The following NAV2 variants were observed in gnomAD, a reference collection of about 807,000 sequenced individuals.
NAV2 encodes neuron navigator 2, also known as helicase, APC down-regulated 1.
Under a neutral mutation model 223.2 loss-of-function variants are expected in NAV2, and 54 were observed. That is an observed-to-expected ratio of 0.24 (90% CI 0.19 to 0.30). The LOEUF is 0.30. NAV2 is among the 10% of genes least tolerant of loss of function. The probability of loss-of-function intolerance (pLI) is 1.00; values close to 1 mark genes in which losing one functional copy is unlikely to be tolerated. For synonymous variants in NAV2, 1,279 were observed against 1,239.3 expected, an observed-to-expected ratio of 1.03 and a Z score of -0.67; for missense variants, 2,806 against 3,147.5, an observed-to-expected ratio of 0.89 and a Z score of 2.60.
rs201025387 is a variant in NAV2, at chr11:19,892,579, A to G, written c.916A>G (p.Ser306Gly). ...KPVTSPPPPPSSHEKEPLASS... is the reference protein window; with the variant it reads ...KPVTSPPPPPGSHEKEPLASS... ...AGTCACCTCCCCACCCCCACCGCCA[A>G]GCAGCCACGAGAAAGGTGAGTCACC... The change falls in exon 6 of 38, where the codon AGC becomes GGC. Residue 306 changes from serine to glycine, a missense_variant. Around this residue, in one of 4 missense-constraint regions of NAV2, gnomAD observed 1,167 missense variants for 1,180.5 expected, o/e 0.99. Transcript: ENST00000349880. 2.5e-6 allele frequency: 4 copies of G among 1,613,834 alleles called. No individual in the cohort carries two copies. The Admixed American group carries it at 6.7e-5, about 27-fold the overall frequency.
intron 1 of NAV2, among the ~76,000 whole-genome samples, chr11:19,637,201 G>C (rs1244543238): frequency 6.6e-6 from 1 of 152,168 alleles, no homozygotes; most frequent in East Asian, 1.9e-4. Context: ...GGAAAACGTA[G>C]GTAGTGGCTA....
intron 1 of NAV2, among the ~76,000 whole-genome samples, chr11:19,723,903 G>T (rs185780733): frequency 2.0e-5 from 3 of 152,322 alleles, no homozygotes; most frequent in Admixed American, 1.3e-4. Context: ...TTCAAAATGT[G>T]TGGGCCACAA....
intron 1 of NAV2, among the ~76,000 whole-genome samples, chr11:19,766,022 C>T (rs2055197206): frequency 6.6e-6 from 1 of 152,082 alleles, no homozygotes; most frequent in Admixed American, 6.6e-5. Context: ...ACTCTCCCTC[C>T]CTATCACCCA....
intron 1 of NAV2, among the ~76,000 whole-genome samples, chr11:19,405,223 T>C (rs920100376): frequency 7.2e-5 from 11 of 152,274 alleles, no homozygotes; most frequent in Middle Eastern, 6.8e-3. Flanking sequence ...GTGAGTGGGC[T>C]CTCTTCATGG....
Position 19,372,714 on chromosome 11 carries a change from G to A in NAV2, c.75+21687G>A, listed in dbSNP as rs528620011. Among the ~76,000 whole-genome samples, 12 of 152,304 alleles carry A rather than the reference G, an allele frequency of 7.9e-5. No individual in the cohort carries two copies. The South Asian group carries it at 2.3e-3, about 29-fold the overall frequency. On this transcript the variant is annotated intron_variant, in intron 1 of 37. Coordinates refer to the NAV2 transcript ENST00000360655. ...TTATTTCTATGTGACTGTGGAAAGA[G>A]CGGGCCTGAGAGATATTAGTAATAA...
At chr11:19,823,592 C>T (rs967840343) in intron 1 of NAV2, among the ~76,000 whole-genome samples, 1 of 152,158 alleles carries the variant, frequency 6.6e-6, no homozygotes, top group Non-Finnish European at 1.5e-5. Flanking sequence ...CTGACTGCTT[C>T]AGCCTCCCAA....
chr11:19,702,297 C>G (rs1218035334), intron 1 of NAV2, among the ~76,000 whole-genome samples: 3 of 152,206 alleles, frequency 2.0e-5, no homozygotes, highest in Non-Finnish European at 4.4e-5. Context: ...CTTTGTTATA[C>G]AGATAACCTC....
intron 1 of NAV2, among the ~76,000 whole-genome samples, chr11:19,620,254 G>T (rs956286528): frequency 1.3e-5 from 2 of 152,052 alleles, no homozygotes; most frequent in African/African-American, 2.4e-5. Context: ...CTCTTTTTTG[G>T]TTCCATATGA....
At chr11:19,786,747 T>C (rs1292128079) in intron 1 of NAV2, among the ~76,000 whole-genome samples, 1 of 152,166 alleles carries the variant, frequency 6.6e-6, no homozygotes, top group Admixed American at 6.5e-5. Context: ...CTTCCCTACA[T>C]AGCTCCCTAC....
intron 1 of NAV2, among the ~76,000 whole-genome samples, chr11:19,656,493 G>C (rs1343673746): frequency 2.0e-5 from 3 of 152,208 alleles, no homozygotes; most frequent in Non-Finnish European, 4.4e-5. Context: ...ACTGGGGAAG[G>C]AGCACAGAGC....
intron 1 of NAV2, among the ~76,000 whole-genome samples, chr11:19,651,632 C>T (rs1476479443): frequency 6.6e-6 from 1 of 152,110 alleles, no homozygotes. Context: ...CACATGACAC[C>T]CACTTTGAAA....
chr11:19,701,462 T>C (rs2049510041), intron 1 of NAV2, among the ~76,000 whole-genome samples: 1 of 152,174 alleles, frequency 6.6e-6, no homozygotes, highest in Admixed American at 6.5e-5. Context: ...TGATTCTGAA[T>C]GGGAGTTAAT....
chr11:20,114,808 C>T lies in NAV2; in HGVS notation c.7164+13C>T. On this transcript the variant is annotated intron_variant, in intron 37 of 37. Coordinates refer to ENST00000349880, the MANE Select transcript of NAV2 (RefSeq NM_145117.5). ...AGGTGACCCGCTGGTGAGTCCTCAG[C>T]CACCAGAGCAGCTCAGCATTCCTTT... is the stretch of plus-strand genomic sequence containing the variant. 2 of 1,609,698 alleles carry T rather than the reference C, an allele frequency of 1.2e-6. No homozygotes were observed. Among genetic ancestry groups the T allele is most frequent in the Non-Finnish European group, 1.7e-6 (2 of 1,177,818 alleles).
At chr11:19,385,576 G>A (rs1315065976) in intron 1 of NAV2, among the ~76,000 whole-genome samples, 1 of 152,086 alleles carries the variant, frequency 6.6e-6, no homozygotes, top group Non-Finnish European at 1.5e-5. Context: ...GTGTTTTTCT[G>A]TCATTTTCTT....
chr11:20,040,677 C>T (rs758487649), intron 12 of NAV2, among the ~76,000 whole-genome samples: 4 of 152,128 alleles, frequency 2.6e-5, no homozygotes, highest in Non-Finnish European at 5.9e-5. Context: ...TATCGAATGA[C>T]TACATAGACT....
At chr11:19,960,659 G>C (rs144051396) in intron 10 of NAV2, among the ~76,000 whole-genome samples, 1 of 151,402 alleles carries the variant, frequency 6.6e-6, no homozygotes. Context: ...CGTTGCCCAG[G>C]CTGGAGGGCA....
At chr11:19,614,827 C>T (rs894826922) in intron 1 of NAV2, among the ~76,000 whole-genome samples, 7 of 152,146 alleles carry the variant, frequency 4.6e-5, no homozygotes, top group Non-Finnish European at 7.4e-5. Flanking sequence ...TCCAGGTCAC[C>T]GTAAGGATTA....
intron 1 of NAV2, among the ~76,000 whole-genome samples, chr11:19,747,698 T>C (rs1190957741): frequency 2.0e-5 from 3 of 152,218 alleles, no homozygotes; most frequent in Non-Finnish European, 2.9e-5. Context: ...CCTGACTATC[T>C]TTAGGCAGTA....
intron 11 of NAV2, among the ~76,000 whole-genome samples, chr11:20,018,809 G>GA (rs1661589988): frequency 6.6e-6 from 1 of 152,186 alleles, no homozygotes; most frequent in Non-Finnish European, 1.5e-5. Context: ...GAATGTAATT[G>GA]GGCCAGAGTC....
Sources: allele counts gnomAD v4.1 joint callset (sites outside exome capture counted in the v4.1 genomes callset), GRCh38; gene constraint gnomAD v4.1.1; regional missense constraint gnomAD v4.1.1; transcripts MANE v1.5; gene names NCBI Gene and HGNC (gene_info 2026-07-23, HGNC 2026-07-21).